KLK7: variants seen among roughly 807,000 people sequenced by gnomAD.
KLK7 encodes the protein kallikrein-7.
A neutral mutation model predicts 21.0 loss-of-function variants in KLK7; 17 were observed. The ratio of observed to expected loss-of-function variants is 0.81; its 90% CI spans 0.55 to 1.21. The LOEUF (loss-of-function observed/expected upper bound fraction) is 1.21, where lower values mean the gene tolerates loss of function less well. Ranked by LOEUF, KLK7 falls within the 50% of genes most tolerant of loss-of-function variation. KLK7 has a pLI of 0.00. For missense variants in KLK7, 330 were observed against 322.8 expected, an observed-to-expected ratio of 1.02 and a Z score of -0.17; for synonymous variants, 151 against 134.6, an observed-to-expected ratio of 1.12 and a Z score of -0.85.
At chr19:50,982,941 A>C (rs2091101947) in intron 1 of KLK7, among the ~76,000 whole-genome samples, 1 of 67,754 alleles carries the variant, frequency 1.5e-5, no homozygotes, top group Non-Finnish European at 3.3e-5. Context: ...CCTCCCTCAG[A>C]CCTAGGAGTC....
chr19:50,980,958 C>CAG (rs2091076662), intron 3 of KLK7, among the ~76,000 whole-genome samples: 1 of 130,686 alleles, frequency 7.7e-6, no homozygotes, highest in African/African-American at 3.2e-5. Context: ...GACAGAGCCC[C>CAG]AGAGAGAGGA....
At position 50,983,858 on chromosome 19, in the gene KLK7, G is replaced by T. The variant is rs75498318; in HGVS notation, c.-66C>A. The T allele has an allele frequency of 5.0e-5, 64 of 1,289,218 alleles. No individual in the cohort carries two copies. In the African/African-American group the frequency reaches 8.9e-4, roughly 18 times the overall value. 79.9% of individuals were successfully genotyped at this position (1,289,218 alleles called of 1,614,324 possible). A position where few individuals can be genotyped will look rare whatever the true frequency, so the allele number is the denominator to read the frequency against. On this transcript the variant is annotated 5_prime_UTR_variant, in exon 1 of 6. Transcript: ENST00000595820. The stretch of plus-strand genomic sequence containing the variant: ...GATGAAGCCTCTTCTCACCTCGAGA[G>T]GATCTGATGTGATCCAAGTTCCGAC...
chr19:50,981,748 A>C lies in KLK7; in HGVS notation c.221+19T>G, dbSNP rs1380843354. 1 of 1,552,114 alleles carries C rather than the reference A, an allele frequency of 6.4e-7. No homozygotes were observed. The highest frequency in any genetic ancestry group is 2.0e-5 in the Admixed American group (1 of 49,664). ...GGAGACGCTGGTGCACCTCCAGCAG[A>C]GACTTGGGCGGCACCTACTTCATCT... On this transcript the variant is annotated intron_variant, in intron 3 of 5. Coordinates refer to ENST00000595820, the MANE Select transcript of KLK7 (RefSeq NM_005046.4).
At position 50,979,678 on chromosome 19, in the gene KLK7, G is replaced by C. The variant is rs939345977; in HGVS notation, c.606+110C>G. 95 of 1,093,744 alleles carry C rather than the reference G, an allele frequency of 8.7e-5. No homozygotes were observed. The African/African-American group carries it at 1.4e-3, about 16-fold the overall frequency. The allele number at this position is 1,093,744 out of a possible 1,614,324, so 67.8% of individuals were successfully genotyped here. On this transcript the variant is annotated intron_variant, in intron 5 of 5. Coordinates refer to ENST00000595820, the MANE Select transcript of KLK7 (RefSeq NM_005046.4). ...AAAAAGCTGAGGAGGCCAGGCCTGG[G>C]GGGAGGGCAAGGCCGGGCTTGGTAC... is the stretch of plus-strand genomic sequence containing the variant.
At chr19:50,984,038 T>A, upstream of KLK7, 1 of 695,440 alleles carries the variant, frequency 1.4e-6, no homozygotes, top group Non-Finnish European at 2.2e-6. Flanking sequence ...TCTGGTTATC[T>A]GGAACCCTGA....
Position 50,982,405 on chromosome 19 carries a change from C to G in KLK7, c.-6G>C. ...AGGAGAAGGGATCTTGCCATGGTGCCCTGCTGAGCCGCTCAGGGGCTGCCA... is the reference window on the plus strand; with the variant it reads ...AGGAGAAGGGATCTTGCCATGGTGCGCTGCTGAGCCGCTCAGGGGCTGCCA... On this transcript the variant is annotated 5_prime_UTR_variant, in exon 2 of 6. Transcript: ENST00000595820. The G allele has an allele frequency of 6.2e-7, 1 of 1,605,372 alleles. No homozygotes were observed. Among genetic ancestry groups the G allele is most frequent in the Non-Finnish European group, 8.5e-7 (1 of 1,176,224 alleles).
intron 2 of KLK7, 198 bp downstream of exon 2, chr19:50,982,129 G>A: frequency 1.2e-6 from 1 of 848,444 alleles, no homozygotes; most frequent in Non-Finnish European, 1.8e-6. Context: ...GAGAGACCCT[G>A]AGCACAGGAG....
rs552875279 is a variant in KLK7, at chr19:50,977,494, A to G, written c.*42T>C. On this transcript the variant is annotated 3_prime_UTR_variant, in exon 6 of 6. Transcript: ENST00000595820. ...GTCATCGGCGTCCTCACTCCTGTGC[A>G]TTTTCTGTTGGAAGCACACAGTTAA... 2 of 1,601,148 alleles carry G rather than the reference A, an allele frequency of 1.2e-6. No individual in the cohort carries two copies. Among genetic ancestry groups the G allele is most frequent in the Admixed American group, 3.3e-5 (2 of 59,876 alleles).
chr19:50,979,988 T>C (rs577890096), intron 4 of KLK7, 64 bp from the exon 5 acceptor site: 3 of 1,536,542 alleles, frequency 2.0e-6, no homozygotes, highest in East Asian at 2.4e-5. Context: ...AGAAGGGCTG[T>C]TGTTCAGGCT....
chr19:50,982,181 G>A, intron 2 of KLK7, 146 bp downstream of exon 2: 1 of 1,091,284 alleles, frequency 9.2e-7, no homozygotes, highest in Non-Finnish European at 1.3e-6. Context: ...GTCAGCAGAA[G>A]CAGGAAGAGC....
At chr19:50,978,039 G>T (rs1053561153) in intron 5 of KLK7, among the ~76,000 whole-genome samples, 2 of 152,190 alleles carry the variant, frequency 1.3e-5, no homozygotes, top group Non-Finnish European at 2.9e-5. Context: ...TGTGGCGCAG[G>T]AAAGGGGGAC....
At position 50,980,291 on chromosome 19, in the gene KLK7, G is replaced by A. The variant is rs764740105; in HGVS notation, c.418C>T (p.Pro140Ser). The A allele has an allele frequency of 9.3e-6, 15 of 1,614,048 alleles. No homozygotes were observed. Among genetic ancestry groups the A allele is most frequent in the Non-Finnish European group, 1.2e-5 (14 of 1,179,968 alleles). The change falls in exon 4 of 6, where the codon CCT becomes TCT. Residue 140 changes from proline to serine, a missense_variant. Transcript: ENST00000595820. ...KVRLPSRCEP[P>S]GTTCTVSGWG... ...CCGGAGACAGTACAGGTGGTTCCAGGGGGTTCGCAGCGGGAGGGCAGCCTG... is the reference window on the plus strand; with the variant it reads ...CCGGAGACAGTACAGGTGGTTCCAGAGGGTTCGCAGCGGGAGGGCAGCCTG...
chr19:50,981,918 G>T lies in KLK7; in HGVS notation c.74-4C>A. 6.2e-7 allele frequency: 1 copy of T among 1,612,632 alleles called. No individual in the cohort carries two copies. Among genetic ancestry groups the T allele is most frequent in the Non-Finnish European group, 8.5e-7 (1 of 1,179,554 alleles). On this transcript the variant is annotated splice_region_variant and splice_polypyrimidine_tract_variant and intron_variant, in intron 2 of 5. Transcript: ENST00000595820. ...TCAATAATCTTGTCACCCTGGGCTGGATGGAGACATGGAGGAGCACGTGGG... is the reference window on the plus strand; with the variant it reads ...TCAATAATCTTGTCACCCTGGGCTGTATGGAGACATGGAGGAGCACGTGGG...
chr19:50,983,642 C>A, intron 1 of KLK7: 1 of 572,880 alleles, frequency 1.7e-6, no homozygotes, highest in Non-Finnish European at 2.6e-6. Flanking sequence ...GGAATCTAGG[C>A]TCCGATCTTG....
chr19:50,980,056 G>A, intron 4 of KLK7, 132 bp from the exon 5 acceptor site: 3 of 1,298,472 alleles, frequency 2.3e-6, no homozygotes, highest in Non-Finnish European at 3.1e-6. Context: ...AGGGAGGAGG[G>A]GCTGGGGTCT....
intron 5 of KLK7, among the ~76,000 whole-genome samples, chr19:50,978,309 C>T (rs1184691759): frequency 6.6e-6 from 1 of 152,128 alleles, no homozygotes; most frequent in African/African-American, 2.4e-5. Flanking sequence ...CCCATCTCCT[C>T]TATCCCTAAC....
chr19:50,980,277 A>T lies in KLK7; in HGVS notation c.432T>A (p.Cys144Ter), dbSNP rs1401388480. The change falls in exon 4 of 6, where the codon TGT becomes TGA. Residue 144 changes from cysteine to a stop codon, truncating the protein, a stop_gained. Transcript: ENST00000595820. LOFTEE classifies it high-confidence loss of function. ...TGGTAGTGCCCCAGCCGGAGACAGT[A>T]CAGGTGGTTCCAGGGGGTTCGCAGC... ...PSRCEPPGTT[C>*]TVSGWGTTTS... The T allele has an allele frequency of 6.2e-7, 1 of 1,613,872 alleles. No homozygotes were observed. The highest frequency in any genetic ancestry group is 1.7e-5 in the Admixed American group (1 of 59,982).
intron 5 of KLK7, among the ~76,000 whole-genome samples, chr19:50,978,620 G>T (rs60863739): frequency 0.12 from 14,934 of 127,636 alleles, 1,529 homozygotes; most frequent in African/African-American, 0.25. Flanking sequence ...AAAGAGAAAG[G>T]GGGGGAAGGT....
At chr19:50,983,509 C>T (rs1346917598) in intron 1 of KLK7, among the ~76,000 whole-genome samples, 3 of 146,798 alleles carry the variant, frequency 2.0e-5, no homozygotes, top group African/African-American at 7.6e-5. Context: ...CCCCCAGCCC[C>T]TCCTCCCTCA....
Sources: allele counts gnomAD v4.1 joint callset (sites outside exome capture counted in the v4.1 genomes callset), GRCh38; gene constraint gnomAD v4.1.1; transcripts MANE v1.5; gene names NCBI Gene and HGNC (gene_info 2026-07-23, HGNC 2026-07-21).